Variants in MAPK6 observed in about 807,000 individuals in gnomAD.
MAPK6 encodes the protein ERK-3.
A neutral mutation model predicts 59.3 loss-of-function variants in MAPK6; 19 were observed. The observed-to-expected ratio is 0.32, with a 90% CI of 0.22 to 0.47. The LOEUF is 0.47. Ranked by LOEUF, MAPK6 falls within the 20% of genes least tolerant of loss-of-function variation. The probability of loss-of-function intolerance (pLI) is 1.00; values close to 1 mark genes in which losing one functional copy is unlikely to be tolerated. For missense variants in MAPK6, 724 were observed against 847.9 expected, an observed-to-expected ratio of 0.85 and a Z score of 1.81; for synonymous variants, 316 against 290.3, an observed-to-expected ratio of 1.09 and a Z score of -0.90.
intron 2 of MAPK6, among the ~76,000 whole-genome samples, chr15:51,992,357 A>G (rs1483428111): frequency 6.8e-6 from 1 of 147,178 alleles, no homozygotes; most frequent in Non-Finnish European, 1.5e-5. Flanking sequence ...GCTGGAGTGC[A>G]GTGGTGCGAT....
At chr15:52,015,702 T>A (rs1369677234), upstream of MAPK6, among the ~76,000 whole-genome samples, 1 of 150,106 alleles carries the variant, frequency 6.7e-6, no homozygotes, top group Admixed American at 6.6e-5. Flanking sequence ...TCCGCCCACC[T>A]TAGCCTCCCA....
At chr15:52,050,893 TAAGATGGGGTCGGAATACTAGA>T (rs2031756940) in intron 3 of MAPK6, among the ~76,000 whole-genome samples, 1 of 152,138 alleles carries the variant, frequency 6.6e-6, no homozygotes, top group African/African-American at 2.4e-5. Context: ...TATGACTAGT[TAAGATGGGGTCGGAATACTAGA>T]AAGTATTTAG....
At chr15:51,979,203 G>A (rs2593197) in intron 1 of MAPK6, among the ~76,000 whole-genome samples, 4,980 of 137,986 alleles carry the variant, frequency 0.036, 281 homozygotes, top group African/African-American at 0.13. Context: ...AGAGAAAGAA[G>A]GAAAGAAGAA....
rs372507282 is a variant in MAPK6 at position 51,991,379 on chromosome 15, C to A, written c.-770+8064C>A. On this transcript the variant is annotated intron_variant, in intron 2 of 7. Coordinates refer to the MAPK6 transcript ENST00000691380. Reference sequence around the variant, plus strand: ...GTCCTTTAGATGAGAAAAGTAAACACCTTTCTCTTCTATGAGATAGAAAAT... The same window carrying A: ...GTCCTTTAGATGAGAAAAGTAAACAACTTTCTCTTCTATGAGATAGAAAAT... Among the ~76,000 whole-genome samples the A allele has an allele frequency of 1.6e-4, 25 of 152,190 alleles. No homozygotes were observed. The East Asian group carries it at 3.9e-3, about 23-fold the overall frequency.
intron 2 of MAPK6, among the ~76,000 whole-genome samples, chr15:51,998,687 A>ATTTCTTTTTTTTTTTTTTTTTT (rs2057233160): frequency 2.6e-5 from 1 of 38,472 alleles, no homozygotes; most frequent in Non-Finnish European, 4.6e-5. Context: ...TGCCTGGTTA[A>ATTTCTTTTTTTTTTTTTTTTTT]TTTTTTTTTT....
At chr15:52,053,296 G>T (rs571830022) in intron 3 of MAPK6, among the ~76,000 whole-genome samples, 3 of 151,930 alleles carry the variant, frequency 2.0e-5, no homozygotes, top group Non-Finnish European at 4.4e-5. Flanking sequence ...GGCTGGTCTC[G>T]AACTCCTAAC....
At chr15:52,028,228 A>G (rs2030887967) in intron 1 of MAPK6, among the ~76,000 whole-genome samples, 1 of 152,124 alleles carries the variant, frequency 6.6e-6, no homozygotes. Flanking sequence ...CTGGGATTAC[A>G]GGTGTGAACC....
chr15:52,003,221 C>T (rs199742007), intron 2 of MAPK6, among the ~76,000 whole-genome samples: 1 of 151,918 alleles, frequency 6.6e-6, no homozygotes, highest in East Asian at 1.9e-4. Context: ...AAAAAAAACA[C>T]GATCAGATCT....
Position 52,063,917 on chromosome 15 carries a change from G to C in MAPK6, c.1083G>C (p.Gln361His), listed in dbSNP as rs199741074. 20 of 1,542,540 alleles carry C rather than the reference G, an allele frequency of 1.3e-5. No individual in the cohort carries two copies. The East Asian group carries it at 4.5e-4, about 35-fold the overall frequency. ...TTTTTTTCAGGTATCATGATTGTCAGTTTTCAGAGCATGATTGGCCTGTAC... is the reference window on the plus strand; with the variant it reads ...TTTTTTTCAGGTATCATGATTGTCACTTTTCAGAGCATGATTGGCCTGTAC... ...IYNWERYHDC[Q>H]FSEHDWPVHN... Residue 361 changes from glutamine (Q) to histidine (H), a missense_variant, in exon 6 of 6, where the codon CAG becomes CAC. Physicochemically the swap from Gln to His is conservative, Grantham distance 24. Coordinates refer to ENST00000261845, the MANE Select transcript of MAPK6 (RefSeq NM_002748.4).
At chr15:51,998,512 T>C (rs2057232269) in intron 2 of MAPK6, among the ~76,000 whole-genome samples, 1 of 148,650 alleles carries the variant, frequency 6.7e-6, no homozygotes, top group African/African-American at 2.5e-5. Context: ...GCCTTTTTTT[T>C]TTTTTTTCTC....
chr15:52,023,123 A>AC lies in MAPK6; in HGVS notation c.-632+3747_-632+3748insC, dbSNP rs1487466166. ...CTCCGTCTCAAAAAAAAAAAAAAAA[A>AC]AAAAACCGAAAAACAAACAAAATAA... On this transcript the variant is annotated intron_variant, in intron 1 of 5. Coordinates refer to ENST00000261845, the MANE Select transcript of MAPK6 (RefSeq NM_002748.4). 3.3e-5 allele frequency among the ~76,000 whole-genome samples: 5 copies of AC among 151,170 alleles called. 1 individual carries two copies. Among genetic ancestry groups the AC allele is most frequent in the South Asian group, 4.2e-4 (2 of 4,794 alleles).
rs1394273765 is a variant in MAPK6 at position 52,064,305 on chromosome 15, G to A, written c.1471G>A (p.Gly491Ser). ...AAGCAAAGAAAAATCTGATAAGAAA[G>A]GCAAATCAAAATGTGAAAGGAATGG... is the stretch of plus-strand genomic sequence containing the variant. ...EQSKEKSDKK[G>S]KSKCERNGLV... The change falls in exon 6 of 6, where the codon GGC becomes AGC. Residue 491 changes from glycine to serine, a missense_variant. Physicochemically the swap from Gly to Ser is moderately conservative, Grantham distance 56. Coordinates refer to ENST00000261845, the MANE Select transcript of MAPK6 (RefSeq NM_002748.4). 6.8e-6 allele frequency: 11 copies of A among 1,609,956 alleles called. No individual in the cohort carries two copies. The highest frequency in any genetic ancestry group is 1.3e-5 in the African/African-American group (1 of 74,688).
At chr15:51,992,772 A>G (rs929406269) in intron 2 of MAPK6, among the ~76,000 whole-genome samples, 1 of 152,152 alleles carries the variant, frequency 6.6e-6, no homozygotes, top group Non-Finnish European at 1.5e-5. Context: ...TTACCAATTT[A>G]TCGCCTAAAG....
At chr15:51,997,432 A>G (rs1345347350) in intron 2 of MAPK6, among the ~76,000 whole-genome samples, 2 of 144,280 alleles carry the variant, frequency 1.4e-5, no homozygotes, top group Non-Finnish European at 3.0e-5. Context: ...GCTAATTTGC[A>G]TATTTTTAGT....
chr15:52,000,779 G>A (rs757201632), intron 2 of MAPK6, among the ~76,000 whole-genome samples: 4 of 151,550 alleles, frequency 2.6e-5, no homozygotes, highest in Admixed American at 1.3e-4. Context: ...CAGCTTGGGC[G>A]ACAGAGAGAG....
intron 1 of MAPK6, among the ~76,000 whole-genome samples, chr15:52,031,995 G>C (rs1235197280): frequency 1.3e-5 from 2 of 151,390 alleles, no homozygotes; most frequent in East Asian, 3.9e-4. Flanking sequence ...CTGCCTCCCG[G>C]GTTCATGCCA....
rs560513361 is a variant in MAPK6, at chr15:51,983,252, C to T, written c.-833C>T. On this transcript the variant is annotated 5_prime_UTR_variant, in exon 2 of 8. Transcript: ENST00000691380. ...CTGTAATCCCAGCACTTTGGGAGGC[C>T]AAGGTGGGCAGATCACCTGAGGTCG... Among the ~76,000 whole-genome samples the T allele has an allele frequency of 2.0e-5, 3 of 152,028 alleles. No homozygotes were observed. The South Asian group carries it at 6.2e-4, about 32-fold the overall frequency.
chr15:52,018,270 C>T (rs2030338235), upstream of MAPK6, among the ~76,000 whole-genome samples: 1 of 152,160 alleles, frequency 6.6e-6, no homozygotes, highest in Non-Finnish European at 1.5e-5. Context: ...CTCAGGTGAT[C>T]TGCCCGTCTC....
chr15:52,047,846 A>C (rs191313482), intron 2 of MAPK6, among the ~76,000 whole-genome samples: 1 of 152,126 alleles, frequency 6.6e-6, no homozygotes, highest in East Asian at 1.9e-4. Context: ...GTTTAAACTA[A>C]ATTTAGCTTG....
Sources: gnomAD v4.1 joint callset for allele counts (sites outside exome capture counted in the v4.1 genomes callset) on GRCh38, gnomAD v4.1.1 for gene constraint, MANE v1.5 for transcripts, NCBI Gene and HGNC (gene_info 2026-07-23, HGNC 2026-07-21) for gene names.